The following WWTR1 variants were observed in gnomAD, a reference collection of about 807,000 sequenced individuals.
WWTR1 encodes WW domain-containing transcription regulator protein 1.
Under a neutral mutation model 40.1 loss-of-function variants are expected in WWTR1, and 13 were observed. The observed-to-expected ratio is 0.32, with a 90% CI of 0.21 to 0.52. The LOEUF is 0.52. WWTR1 is among the 20% of genes least tolerant of loss of function. The pLI is 0.97. For synonymous variants in WWTR1, 230 were observed against 210.1 expected, an observed-to-expected ratio of 1.09 and a Z score of -0.82; for missense variants, 436 against 523.1, an observed-to-expected ratio of 0.83 and a Z score of 1.63.
chr3:149,604,931 C>T (rs1277496465), intron 2 of WWTR1, among the ~76,000 whole-genome samples: 1 of 152,236 alleles, frequency 6.6e-6, no homozygotes, highest in Non-Finnish European at 1.5e-5. Context: ...GCTTGAGGTG[C>T]TGAGGTTCAT....
rs1315289464 is a variant in WWTR1 at position 149,638,350 on chromosome 3, AT to A, written c.431+18525del. 5.9e-5 allele frequency among the ~76,000 whole-genome samples: 9 copies of A among 152,318 alleles called. No homozygotes were observed. In the South Asian group the frequency reaches 1.0e-3, roughly 18 times the overall value. On this transcript the variant is annotated intron_variant, in intron 2 of 6. Transcript: ENST00000360632. Reference sequence around the variant, plus strand: ...TGTTTATTAACATATTCCAAAAAAAATCACTGCTGTATGTACATATATGCCT... The same window carrying A: ...TGTTTATTAACATATTCCAAAAAAAACACTGCTGTATGTACATATATGCCT...
Position 149,656,975 on chromosome 3 carries a change from G to A in WWTR1, c.332C>T (p.Ala111Val). 1.3e-6 allele frequency: 2 copies of A among 1,598,216 alleles called. No homozygotes were observed. The highest frequency in any genetic ancestry group is 8.5e-7 in the Non-Finnish European group (1 of 1,176,384). The change falls in exon 2 of 7, where the codon GCG (alanine) becomes GTG (valine). Residue 111 changes from alanine to valine, a missense_variant. By Grantham distance (64) the Ala-to-Val change is moderately conservative. Coordinates refer to ENST00000360632, the MANE Select transcript of WWTR1 (RefSeq NM_015472.6). ...GTCGTAGGACTGCTGGCGGAGGTGC[G>A]CGTGCTGCTGCGCGGGGCTACCCGC... ...GAAGSPAQQH[A>V]HLRQQSYDVT...
chr3:149,601,395 A>T (rs552984137), intron 2 of WWTR1, among the ~76,000 whole-genome samples: 3 of 152,102 alleles, frequency 2.0e-5, no homozygotes, highest in Non-Finnish European at 4.4e-5. Context: ...AGGGGGCTTC[A>T]CTGTGTTGGC....
chr3:149,548,960 C>T (rs913545985), intron 3 of WWTR1, among the ~76,000 whole-genome samples: 1 of 152,130 alleles, frequency 6.6e-6, no homozygotes, highest in South Asian at 2.1e-4. Flanking sequence ...TCGGTTCCAA[C>T]AATAATAGGG....
In WWTR1 at chr3:149,543,580, C is replaced by CAAAAAAAAAAAAAAAAA. The variant is rs755442408; in HGVS notation, c.569-1060_569-1044dup. ...CTGGTGACAAAGAAAGACTCTGTCT[C>CAAAAAAAAAAAAAAAAA]AAAAAAAAAAAAAAAAAAAAAAAGA... On this transcript the variant is annotated intron_variant, in intron 3 of 6. Coordinates refer to ENST00000360632, the MANE Select transcript of WWTR1 (RefSeq NM_015472.6). Among the ~76,000 whole-genome samples, 75 of 31,208 alleles carry CAAAAAAAAAAAAAAAAA rather than the reference C, an allele frequency of 2.4e-3. 8 individuals carry two copies. The highest frequency in any genetic ancestry group is 3.3e-3 in the Non-Finnish European group (58 of 17,394). The allele number at this position is 31,208 out of a possible 152,430, so 20.5% of individuals were successfully genotyped here.
At chr3:149,623,121 G>A (rs1405455279) in intron 2 of WWTR1, among the ~76,000 whole-genome samples, 1 of 152,116 alleles carries the variant, frequency 6.6e-6, no homozygotes, top group Non-Finnish European at 1.5e-5. Context: ...CAGCACTTTG[G>A]GAGGCCGAGG....
chr3:149,698,790 C>G (rs1323411037), intron 1 of WWTR1, among the ~76,000 whole-genome samples: 1 of 152,258 alleles, frequency 6.6e-6, no homozygotes, highest in Non-Finnish European at 1.5e-5. Context: ...CCCTCTAGAA[C>G]TGCAGCACAA....
In WWTR1 at chr3:149,519,467, G is replaced by A. The variant is rs1167308112; in HGVS notation, c.*1338C>T. 6.6e-6 allele frequency: 1 copy of A among 152,160 alleles called. No homozygotes were observed. The highest frequency in any genetic ancestry group is 1.5e-5 in the Non-Finnish European group (1 of 68,036). 9.4% of individuals were successfully genotyped at this position (152,160 alleles called of 1,614,324 possible). A position where few individuals can be genotyped will look rare whatever the true frequency, so the allele number is the denominator to read the frequency against. Reference sequence around the variant, plus strand: ...CACTTGAAATCTAGGAAGCAAACCTGACAAGGCTTCAGAATTTAAAAAGCA... The same window carrying A: ...CACTTGAAATCTAGGAAGCAAACCTAACAAGGCTTCAGAATTTAAAAAGCA... On this transcript the variant is annotated 3_prime_UTR_variant, in exon 7 of 7. Coordinates refer to ENST00000360632, the MANE Select transcript of WWTR1 (RefSeq NM_015472.6).
intron 3 of WWTR1, among the ~76,000 whole-genome samples, chr3:149,544,001 C>T (rs528933536): frequency 5.3e-4 from 81 of 151,718 alleles, no homozygotes; most frequent in African/African-American, 1.9e-3. Context: ...TTCCTGGGCT[C>T]AAGCAATCCT....
chr3:149,668,468 C>T (rs1217360056), intron 2 of WWTR1, among the ~76,000 whole-genome samples: 1 of 152,004 alleles, frequency 6.6e-6, no homozygotes. Context: ...ATTAGCCGGG[C>T]ATGGTGGCGG....
chr3:149,565,344 T>G (rs1259992296), intron 3 of WWTR1, among the ~76,000 whole-genome samples: 2 of 152,036 alleles, frequency 1.3e-5, no homozygotes, highest in African/African-American at 4.8e-5. Flanking sequence ...ATCAGACATT[T>G]TTCATGGCTT....
At chr3:149,640,216 C>T (rs1164873076) in intron 2 of WWTR1, among the ~76,000 whole-genome samples, 1 of 152,118 alleles carries the variant, frequency 6.6e-6, no homozygotes, top group Non-Finnish European at 1.5e-5. Context: ...CCAGTGTCAA[C>T]AATTTTAAGA....
intron 2 of WWTR1, among the ~76,000 whole-genome samples, chr3:149,618,073 A>C (rs1237117862): frequency 6.6e-6 from 1 of 152,316 alleles, no homozygotes; most frequent in East Asian, 1.9e-4. Flanking sequence ...TTTTGAAATA[A>C]CTTTTAAGGG....
Position 149,518,489 on chromosome 3 carries a change from T to C in WWTR1, c.*2316A>G, listed in dbSNP as rs1734895977. ...ATTTATTTTTAGCAAGAATGTACAA[T>C]TCTTTTTGCAATTTTTTGCTAACAA... is the stretch of plus-strand genomic sequence containing the variant. On this transcript the variant is annotated 3_prime_UTR_variant, in exon 7 of 7. Coordinates refer to ENST00000360632, the MANE Select transcript of WWTR1 (RefSeq NM_015472.6). 6.6e-6 allele frequency: 1 copy of C among 152,172 alleles called. No individual in the cohort carries two copies. The highest frequency in any genetic ancestry group is 2.4e-5 in the African/African-American group (1 of 41,448). The allele number at this position is 152,172 out of a possible 1,614,324, so 9.4% of individuals were successfully genotyped here. A position where few individuals can be genotyped will look rare whatever the true frequency, so the allele number is the denominator to read the frequency against.
At chr3:149,647,526 T>A (rs1348059857) in intron 2 of WWTR1, among the ~76,000 whole-genome samples, 1 of 152,072 alleles carries the variant, frequency 6.6e-6, no homozygotes, top group African/African-American at 2.4e-5. Flanking sequence ...AAGAGAGTAT[T>A]CTGGGAACAA....
At chr3:149,598,515 T>G (rs1739103810) in intron 2 of WWTR1, among the ~76,000 whole-genome samples, 1 of 152,234 alleles carries the variant, frequency 6.6e-6, no homozygotes, top group African/African-American at 2.4e-5. Flanking sequence ...TTCTTTAATC[T>G]TCTTTCTAGT....
At chr3:149,660,923 T>C (rs1713543483), upstream of WWTR1, among the ~76,000 whole-genome samples, 1 of 152,264 alleles carries the variant, frequency 6.6e-6, no homozygotes. Flanking sequence ...TCTGCTGCGT[T>C]GCTGCCTTTC....
In WWTR1 at chr3:149,551,969, G is replaced by A. The variant is rs567708815; in HGVS notation, c.569-9432C>T. ...GGAATATTACATACTCATTTTGTCT[G>A]TAATTTTTGAAGGAAATCAAGCACT... On this transcript the variant is annotated intron_variant, in intron 3 of 6. Coordinates refer to ENST00000360632, the MANE Select transcript of WWTR1 (RefSeq NM_015472.6). 2.7e-4 allele frequency among the ~76,000 whole-genome samples: 40 copies of A among 145,898 alleles called. 4 individuals are homozygous for A. Among genetic ancestry groups the A allele is most frequent in the Admixed American group, 2.3e-3 (34 of 14,642 alleles).
chr3:149,645,132 T>C (rs1354765937), intron 2 of WWTR1, among the ~76,000 whole-genome samples: 2 of 105,058 alleles, frequency 1.9e-5, no homozygotes, highest in Non-Finnish European at 4.2e-5. Context: ...CAGGCTGGAG[T>C]GCAGTGGCGC....
Sources: allele counts gnomAD v4.1 joint callset (sites outside exome capture counted in the v4.1 genomes callset), GRCh38; gene constraint gnomAD v4.1.1; transcripts MANE v1.5; gene names NCBI Gene and HGNC (gene_info 2026-07-23, HGNC 2026-07-21).